Variants in PPFIA2 observed in about 807,000 individuals in gnomAD.
The protein encoded by PPFIA2 is liprin-alpha-2.
PPFIA2 carries 46 observed loss-of-function variants against 175.5 expected under a neutral mutation model. The observed-to-expected ratio is 0.26, with a 90% CI of 0.21 to 0.34. The LOEUF is 0.34. Among genes scored for constraint, PPFIA2 ranks in the 10% least tolerant of loss-of-function variants. The probability of loss-of-function intolerance (pLI) is 1.00; values close to 1 mark genes in which losing one functional copy is unlikely to be tolerated. For missense variants in PPFIA2, 1,179 were observed against 1,506.1 expected, an observed-to-expected ratio of 0.78 and a Z score of 3.60; for synonymous variants, 568 against 511.4, an observed-to-expected ratio of 1.11 and a Z score of -1.49.
At chr12:81,403,484 G>A (rs1359013582) in intron 8 of PPFIA2, among the ~76,000 whole-genome samples, 1 of 152,132 alleles carries the variant, frequency 6.6e-6, no homozygotes, top group East Asian at 1.9e-4. Context: ...CAACCAATAG[G>A]TGATGGTCAG....
intron 4 of PPFIA2, among the ~76,000 whole-genome samples, chr12:81,583,919 A>G (rs2153431574): frequency 6.6e-6 from 1 of 152,082 alleles, no homozygotes; most frequent in Non-Finnish European, 1.5e-5. Flanking sequence ...ATACTTCTTT[A>G]CTTATGTTTT....
intron 22 of PPFIA2, among the ~76,000 whole-genome samples, chr12:81,303,430 G>GC (rs2048359248): frequency 6.6e-6 from 1 of 152,112 alleles, no homozygotes; most frequent in Non-Finnish European, 1.5e-5. Context: ...GAAGTGTCAG[G>GC]CATGGAGGTG....
rs1347873769 is a variant in PPFIA2, at chr12:81,258,275, T to C, written c.*1419A>G. 1.3e-5 allele frequency: 2 copies of C among 152,164 alleles called. No homozygotes were observed. The highest frequency in any genetic ancestry group is 2.9e-5 in the Non-Finnish European group (2 of 68,010). The allele number at this position is 152,164 out of a possible 1,614,324, so 9.4% of individuals were successfully genotyped here. On this transcript the variant is annotated 3_prime_UTR_variant, in exon 33 of 33. Coordinates refer to ENST00000549396, the MANE Select transcript of PPFIA2 (RefSeq NM_003625.5). ...AGCTTAAACAGAGAACTGGAATTAT[T>C]ATTTTTTTTATTGACAATGGAAAGG...
At chr12:81,619,671 A>G (rs2061810487) in intron 4 of PPFIA2, among the ~76,000 whole-genome samples, 1 of 152,228 alleles carries the variant, frequency 6.6e-6, no homozygotes, top group African/African-American at 2.4e-5. Context: ...ACAAAATGCT[A>G]AATACATTTT....
At chr12:81,528,121 T>C (rs2063962320) in intron 4 of PPFIA2, among the ~76,000 whole-genome samples, 2 of 137,352 alleles carry the variant, frequency 1.5e-5, no homozygotes, top group African/African-American at 5.8e-5. Flanking sequence ...CCTAGAATAG[T>C]ACCTACCCCT....
intron 3 of PPFIA2, among the ~76,000 whole-genome samples, chr12:81,711,271 T>C (rs1274372747): frequency 2.6e-5 from 4 of 151,290 alleles, no homozygotes; most frequent in East Asian, 2.0e-4. Flanking sequence ...AACCAACATA[T>C]AATTAATTGT....
chr12:81,300,870 C>A (rs565699233), intron 22 of PPFIA2, among the ~76,000 whole-genome samples: 1 of 152,208 alleles, frequency 6.6e-6, no homozygotes, highest in Non-Finnish European at 1.5e-5. Context: ...TATTGAACAC[C>A]TGTTGTGGAC....
intron 3 of PPFIA2, among the ~76,000 whole-genome samples, chr12:81,697,088 A>G (rs1736573569): frequency 6.6e-6 from 1 of 152,126 alleles, no homozygotes; most frequent in Non-Finnish European, 1.5e-5. Flanking sequence ...TGGCAGGATT[A>G]CTAGAAAATG....
intron 4 of PPFIA2, among the ~76,000 whole-genome samples, chr12:81,576,953 GCTGAAGATA>G: frequency 6.6e-6 from 1 of 151,646 alleles, no homozygotes; most frequent in Admixed American, 6.6e-5. Context: ...TTATAATACA[GCTGAAGATA>G]CTAGAATTTC....
At chr12:81,307,377 C>A (rs1252563375) in intron 22 of PPFIA2, among the ~76,000 whole-genome samples, 2 of 152,168 alleles carry the variant, frequency 1.3e-5, no homozygotes, top group Non-Finnish European at 2.9e-5. Context: ...CCAAAAAACT[C>A]ACAATGTTGA....
intron 24 of PPFIA2, among the ~76,000 whole-genome samples, chr12:81,291,605 A>G (rs2045018800): frequency 6.6e-6 from 1 of 152,014 alleles, no homozygotes; most frequent in Non-Finnish European, 1.5e-5. Flanking sequence ...CTTGGGGTTG[A>G]TGGAAACCTG....
At chr12:81,413,250 A>G (rs1392511943) in intron 7 of PPFIA2, among the ~76,000 whole-genome samples, 1 of 151,854 alleles carries the variant, frequency 6.6e-6, no homozygotes. Flanking sequence ...TGTCAAAAAA[A>G]ATGATGACAG....
chr12:81,716,440 T>A (rs1450015122), intron 3 of PPFIA2, among the ~76,000 whole-genome samples: 1 of 151,586 alleles, frequency 6.6e-6, no homozygotes, highest in Non-Finnish European at 1.5e-5. Flanking sequence ...AAACAGTCCA[T>A]AAAATTTGCA....
At chr12:81,277,263 G>C in intron 28 of PPFIA2, 54 bp downstream of exon 28, 2 of 1,450,208 alleles carry the variant, frequency 1.4e-6, no homozygotes, top group Non-Finnish European at 1.8e-6. Flanking sequence ...TAGTAAAAGT[G>C]AAAGCTAAAA....
chr12:81,334,536 C>T (rs115361420), intron 21 of PPFIA2, among the ~76,000 whole-genome samples: 13,864 of 151,598 alleles, frequency 0.091, 835 homozygotes, highest in Middle Eastern at 0.16. Context: ...CATAAATGCC[C>T]TCTTGGTAAT....
rs551847028 is a variant in PPFIA2 at position 81,457,870 on chromosome 12, G to A, written c.304-4C>T. 13 of 1,543,612 alleles carry A rather than the reference G, an allele frequency of 8.4e-6. No homozygotes were observed. The East Asian group carries it at 2.7e-4, about 32-fold the overall frequency. ...CTTTTGTCAGTGCAGCAAATTCCTGGAAAAGTAATAAAAATATTTGAAGAA... is the reference window on the plus strand; with the variant it reads ...CTTTTGTCAGTGCAGCAAATTCCTGAAAAAGTAATAAAAATATTTGAAGAA... On this transcript the variant is annotated splice_polypyrimidine_tract_variant and splice_region_variant and intron_variant, in intron 4 of 32. Transcript: ENST00000549396.
At chr12:81,450,656 T>C (rs2052380547) in intron 5 of PPFIA2, among the ~76,000 whole-genome samples, 1 of 152,218 alleles carries the variant, frequency 6.6e-6, no homozygotes, top group Non-Finnish European at 1.5e-5. Flanking sequence ...AGATCCCATT[T>C]GTCAATTTTG....
At position 81,569,242 on chromosome 12, in the gene PPFIA2, C is replaced by A. The variant is rs371569475; in HGVS notation, c.303+107549G>T. ...TATCTTTAACAAATAAAAACATGAT[C>A]AATACCTAGCATTAGATTTCTTACA... On this transcript the variant is annotated intron_variant, in intron 4 of 32. Coordinates refer to ENST00000549396, the MANE Select transcript of PPFIA2 (RefSeq NM_003625.5). 5.9e-5 allele frequency among the ~76,000 whole-genome samples: 9 copies of A among 151,536 alleles called. No homozygotes were observed. The East Asian group carries it at 7.9e-4, about 13-fold the overall frequency.
intron 4 of PPFIA2, among the ~76,000 whole-genome samples, chr12:81,555,722 T>C (rs17738503): frequency 0.098 from 14,857 of 151,848 alleles, 883 homozygotes; most frequent in Middle Eastern, 0.18. Flanking sequence ...ATTAATAGAG[T>C]TGAGATTTTT....
Sources: gnomAD v4.1 joint callset for allele counts (sites outside exome capture counted in the v4.1 genomes callset) on GRCh38, gnomAD v4.1.1 for gene constraint, MANE v1.5 for transcripts, NCBI Gene and HGNC (gene_info 2026-07-23, HGNC 2026-07-21) for gene names.